The following VEPH1 variants were observed in gnomAD, a reference collection of about 807,000 sequenced individuals.
VEPH1 encodes the protein ventricular zone expressed PH domain containing 1, also known as ventricular zone-expressed PH domain-containing protein homolog 1.
In VEPH1, 80 loss-of-function variants were observed where a neutral mutation model predicts 85.2. The ratio of observed to expected loss-of-function variants is 0.94; its 90% CI spans 0.78 to 1.13. The LOEUF (loss-of-function observed/expected upper bound fraction) is 1.13. Among genes scored for constraint, VEPH1 ranks in the 50% most tolerant of loss-of-function variants. The pLI is 0.00. For missense variants in VEPH1, 955 were observed against 980.5 expected (o/e 0.97, Z 0.35); for synonymous variants, 297 against 348.0 (o/e 0.85, Z 1.63).
In VEPH1 at chr3:157,459,887, T is replaced by C. The variant is rs1322698766; in HGVS notation, c.529+294A>G. ...AGATAAGATCTCCACAGTTGGTAGTTGAACAGGTGACCAGAAGCACGGAAA... is the reference window on the plus strand; with the variant it reads ...AGATAAGATCTCCACAGTTGGTAGTCGAACAGGTGACCAGAAGCACGGAAA... On this transcript the variant is annotated intron_variant, in intron 4 of 13. Coordinates refer to ENST00000362010, the MANE Select transcript of VEPH1 (RefSeq NM_001167912.2). 2.6e-6 allele frequency: 4 copies of C among 1,537,086 alleles called. No homozygotes were observed. The African/African-American group carries it at 5.5e-5, about 21-fold the overall frequency.
intron 5 of VEPH1, among the ~76,000 whole-genome samples, chr3:157,428,004 C>A (rs546832355): frequency 2.6e-4 from 40 of 152,304 alleles, no homozygotes; most frequent in African/African-American, 9.1e-4. Flanking sequence ...TGAGCTGGAA[C>A]ATTGGTCTTC....
intron 6 of VEPH1, among the ~76,000 whole-genome samples, chr3:157,404,353 C>G (rs1014855): frequency 0.43 from 64,617 of 151,972 alleles, 14,656 homozygotes; most frequent in Admixed American, 0.57. Flanking sequence ...CAAATGCAAC[C>G]AGAAAACCAT....
At chr3:157,472,999 T>C (rs1408216966) in intron 2 of VEPH1, among the ~76,000 whole-genome samples, 1 of 152,156 alleles carries the variant, frequency 6.6e-6, no homozygotes, top group Non-Finnish European at 1.5e-5. Context: ...ATTTTGTCTT[T>C]TTGTTGTTGT....
Position 157,382,430 on chromosome 3 carries a change from T to C in VEPH1, c.907-1054A>G, listed in dbSNP as rs1728880929. Among the ~76,000 whole-genome samples the C allele has an allele frequency of 2.0e-5, 3 of 152,164 alleles. No homozygotes were observed. The South Asian group carries it at 6.2e-4, about 31-fold the overall frequency. ...TGGAAGTTAGCCAAAAAATTCAATA[T>C]TCAAAATTATTGAAAAGGTTATTTG... On this transcript the variant is annotated intron_variant, in intron 6 of 13. Coordinates refer to ENST00000362010, the MANE Select transcript of VEPH1 (RefSeq NM_001167912.2).
At chr3:157,283,619 CAGTA>C (rs1467244164) in intron 12 of VEPH1, among the ~76,000 whole-genome samples, 1 of 152,158 alleles carries the variant, frequency 6.6e-6, no homozygotes, top group Non-Finnish European at 1.5e-5. Flanking sequence ...TTGACCATGT[CAGTA>C]AGCTGAGATA....
chr3:157,333,482 C>G (rs1722683163), intron 9 of VEPH1, among the ~76,000 whole-genome samples: 1 of 152,174 alleles, frequency 6.6e-6, no homozygotes, highest in South Asian at 2.1e-4. Context: ...AGCACAGTTT[C>G]TAGACATGAA....
chr3:157,350,463 G>A (rs564619631), intron 9 of VEPH1, among the ~76,000 whole-genome samples: 2 of 152,132 alleles, frequency 1.3e-5, no homozygotes, highest in Non-Finnish European at 2.9e-5. Context: ...TCTGGGGAAA[G>A]ATGTTATGAA....
chr3:157,494,895 C>T (rs1396869134), intron 2 of VEPH1, among the ~76,000 whole-genome samples: 2 of 152,126 alleles, frequency 1.3e-5, no homozygotes, highest in Admixed American at 6.5e-5. Context: ...TTGGCTCCCT[C>T]TCCTCTCAGT....
At position 157,314,370 on chromosome 3, in the gene VEPH1, G is replaced by T. The variant is rs1358011894; in HGVS notation, c.1876-615C>A. On this transcript the variant is annotated intron_variant, in intron 10 of 13. Coordinates refer to ENST00000362010, the MANE Select transcript of VEPH1 (RefSeq NM_001167912.2). ...AAAAAAAAAAAAAAAAAAATTAAACGAAAAAGATCAAACATATGATATATT... is the reference window on the plus strand; with the variant it reads ...AAAAAAAAAAAAAAAAAAATTAAACTAAAAAGATCAAACATATGATATATT... Among the ~76,000 whole-genome samples the T allele has an allele frequency of 1.3e-3, 110 of 85,110 alleles. 3 individuals carry two copies. The South Asian group carries it at 0.024, about 19-fold the overall frequency. 55.8% of individuals were successfully genotyped at this position (85,110 alleles called of 152,430 possible). A position where few individuals can be genotyped will look rare whatever the true frequency, so the allele number is the denominator to read the frequency against.
At chr3:157,437,517 G>A in intron 4 of VEPH1, 2 of 1,604,756 alleles carry the variant, frequency 1.2e-6, no homozygotes, top group Middle Eastern at 1.9e-4. Context: ...CTCTAGCCAC[G>A]CCGTGCGCCT....
At chr3:157,480,022 CTT>C (rs1023984235) in intron 2 of VEPH1, among the ~76,000 whole-genome samples, 47 of 115,594 alleles carry the variant, frequency 4.1e-4, no homozygotes, top group African/African-American at 1.5e-3. Flanking sequence ...TTTCTTTTCT[CTT>C]TCTTTCATTC....
chr3:157,499,023 A>G (rs915042049), intron 1 of VEPH1, among the ~76,000 whole-genome samples: 2 of 152,216 alleles, frequency 1.3e-5, no homozygotes, highest in Admixed American at 1.3e-4. Context: ...GCAGGTAGAT[A>G]TTACCACCTA....
intron 9 of VEPH1, among the ~76,000 whole-genome samples, chr3:157,323,490 A>G (rs1186318408): frequency 1.3e-5 from 2 of 152,190 alleles, no homozygotes; most frequent in Non-Finnish European, 2.9e-5. Flanking sequence ...ACTAAGTTCT[A>G]TTTACAACAG....
At chr3:157,470,115 T>C (rs927852797) in intron 3 of VEPH1, among the ~76,000 whole-genome samples, 199 bp downstream of exon 3, 2 of 152,184 alleles carry the variant, frequency 1.3e-5, no homozygotes, top group African/African-American at 4.8e-5. Flanking sequence ...TTCCCTACAG[T>C]GTGTCTTGCA....
At chr3:157,465,913 A>T (rs1736329295) in intron 3 of VEPH1, among the ~76,000 whole-genome samples, 1 of 152,154 alleles carries the variant, frequency 6.6e-6, no homozygotes, top group Non-Finnish European at 1.5e-5. Context: ...TTGGGGGAAG[A>T]TGAAATGTGG....
chr3:157,472,026 T>C (rs1228382243), intron 2 of VEPH1, among the ~76,000 whole-genome samples: 2 of 152,078 alleles, frequency 1.3e-5, no homozygotes, highest in Non-Finnish European at 2.9e-5. Flanking sequence ...GTCAGCGCTG[T>C]TCCTCATCCG....
chr3:157,314,279 G>A lies in VEPH1; in HGVS notation c.1876-524C>T, dbSNP rs1314662266. On this transcript the variant is annotated intron_variant, in intron 10 of 13. Transcript: ENST00000362010. ...AGCCGGGAGGCAGAAGTTGCAGTGA[G>A]CCGAGATCATGCCACTGCACTCCAG... Among the ~76,000 whole-genome samples, 6 of 130,822 alleles carry A rather than the reference G, an allele frequency of 4.6e-5. No individual in the cohort carries two copies. The Admixed American group carries it at 4.8e-4, about 10-fold the overall frequency. 85.8% of individuals were successfully genotyped at this position (130,822 alleles called of 152,430 possible). A position where few individuals can be genotyped will look rare whatever the true frequency, so the allele number is the denominator to read the frequency against.
At chr3:157,490,108 G>A (rs1739088307) in intron 2 of VEPH1, among the ~76,000 whole-genome samples, 1 of 151,958 alleles carries the variant, frequency 6.6e-6, no homozygotes. Context: ...TATAAAGACA[G>A]TAGTACATAA....
At chr3:157,494,392 C>G (rs549399045) in intron 2 of VEPH1, among the ~76,000 whole-genome samples, 1 of 152,248 alleles carries the variant, frequency 6.6e-6, no homozygotes, top group South Asian at 2.1e-4. Context: ...TGCCTGGTGG[C>G]CCTAGGCCTT....
Sources: gnomAD v4.1 joint callset for allele counts (sites outside exome capture counted in the v4.1 genomes callset) on GRCh38, gnomAD v4.1.1 for gene constraint, MANE v1.5 for transcripts, NCBI Gene and HGNC (gene_info 2026-07-23, HGNC 2026-07-21) for gene names.